Variants in TTC27 observed in about 807,000 individuals in gnomAD.
TTC27 encodes tetratricopeptide repeat domain 27.
TTC27 carries 79 observed loss-of-function variants against 115.9 expected under a neutral mutation model. The ratio of observed to expected loss-of-function variants is 0.68; its 90% CI spans 0.57 to 0.82. The LOEUF is 0.82. TTC27 is among the 40% of genes least tolerant of loss of function. The probability of loss-of-function intolerance (pLI) is 0.00; values close to 1 mark genes in which losing one functional copy is unlikely to be tolerated. For missense variants in TTC27, 1,054 were observed against 993.1 expected, an observed-to-expected ratio of 1.06 and a Z score of -0.82; for synonymous variants, 401 against 356.0, an observed-to-expected ratio of 1.13 and a Z score of -1.42.
At chr2:32,631,386 G>A (rs905377988) in intron 2 of TTC27, among the ~76,000 whole-genome samples, 1 of 152,108 alleles carries the variant, frequency 6.6e-6, no homozygotes, top group African/African-American at 2.4e-5. Context: ...TATTTATTAT[G>A]TTTTAGATTA....
intron 9 of TTC27, among the ~76,000 whole-genome samples, chr2:32,691,367 C>G (rs547229794): frequency 1.3e-5 from 2 of 150,480 alleles, no homozygotes; most frequent in African/African-American, 2.4e-5. Context: ...GGCGCAATCT[C>G]GGCTCACTGC....
intron 8 of TTC27, among the ~76,000 whole-genome samples, chr2:32,676,701 G>A (rs1279262333): frequency 6.6e-6 from 1 of 151,736 alleles, no homozygotes; most frequent in East Asian, 1.9e-4. Context: ...ATCTTGGCCA[G>A]GCTGGTCTTG....
Position 32,785,714 on chromosome 2 carries a change from G to A in TTC27, c.1833-1270G>A, listed in dbSNP as rs564674192. 3.9e-4 allele frequency among the ~76,000 whole-genome samples: 60 copies of A among 152,302 alleles called. 1 individual carries two copies. The South Asian group carries it at 8.3e-3, about 21-fold the overall frequency. Reference sequence around the variant, plus strand: ...GGGTTCAAGCGACTCTCCTGCCTCAGCCTCCCAAGTAGCTGGGACTACAGG... The same window carrying A: ...GGGTTCAAGCGACTCTCCTGCCTCAACCTCCCAAGTAGCTGGGACTACAGG... On this transcript the variant is annotated intron_variant, in intron 15 of 19. Coordinates refer to ENST00000317907, the MANE Select transcript of TTC27 (RefSeq NM_017735.5).
chr2:32,676,288 G>C (rs1342204382), intron 8 of TTC27, among the ~76,000 whole-genome samples: 1 of 151,680 alleles, frequency 6.6e-6, no homozygotes, highest in African/African-American at 2.4e-5. Context: ...ATTCATGTGT[G>C]TTTGTCTTGT....
intron 13 of TTC27, among the ~76,000 whole-genome samples, chr2:32,777,331 C>G (rs890486470): frequency 1.3e-5 from 2 of 152,218 alleles, no homozygotes; most frequent in Non-Finnish European, 2.9e-5. Flanking sequence ...CGTCACCGCC[C>G]CCAACCCCAA....
In TTC27 at chr2:32,633,727, G is replaced by GA. The variant is rs200599649; in HGVS notation, c.267-146dup. ...CTAACCTAAATTGTTTTAAGTTTTA[G>GA]AAATTTTTTTTTTTGGTAATACTCT... On this transcript the variant is annotated intron_variant, in intron 2 of 19. Transcript: ENST00000317907. 9 of 935,464 alleles carry GA rather than the reference G, an allele frequency of 9.6e-6. No individual in the cohort carries two copies. The African/African-American group carries it at 1.0e-4, about 11-fold the overall frequency. The allele number at this position is 935,464 out of a possible 1,614,324, so 57.9% of individuals were successfully genotyped here.
intron 3 of TTC27, among the ~76,000 whole-genome samples, chr2:32,635,949 G>A (rs1664407971): frequency 6.6e-6 from 1 of 152,102 alleles, no homozygotes; most frequent in Non-Finnish European, 1.5e-5. Flanking sequence ...TCTATGAAGG[G>A]AATTTATAAT....
intron 12 of TTC27, among the ~76,000 whole-genome samples, chr2:32,742,020 A>G (rs905252192): frequency 6.6e-6 from 1 of 152,250 alleles, no homozygotes; most frequent in Non-Finnish European, 1.5e-5. Flanking sequence ...ATGTAATGCT[A>G]TCTTTTGAGG....
At chr2:32,706,866 T>G (rs902670078) in intron 10 of TTC27, among the ~76,000 whole-genome samples, 1 of 152,212 alleles carries the variant, frequency 6.6e-6, no homozygotes, top group Non-Finnish European at 1.5e-5. Flanking sequence ...CCTGGCCCCC[T>G]TCTTTATTTT....
intron 10 of TTC27, among the ~76,000 whole-genome samples, chr2:32,714,973 A>G (rs1667706382): frequency 6.6e-6 from 1 of 151,974 alleles, no homozygotes. Flanking sequence ...TAGATTATGG[A>G]TATCAGACCT....
chr2:32,633,809 A>T, intron 2 of TTC27, 67 bp from the exon 3 acceptor site: 1 of 1,493,578 alleles, frequency 6.7e-7, no homozygotes, highest in South Asian at 1.2e-5. Context: ...CTGAAATGGA[A>T]TAGTGTGTTT....
At chr2:32,809,005 AC>A (rs1360606885) in intron 16 of TTC27, among the ~76,000 whole-genome samples, 2 of 152,228 alleles carry the variant, frequency 1.3e-5, no homozygotes, top group African/African-American at 4.8e-5. Context: ...TCAAAGGTAC[AC>A]ATGTGGGATT....
At chr2:32,672,551 T>A in intron 8 of TTC27, among the ~76,000 whole-genome samples, 167 bp downstream of exon 8, 1 of 152,232 alleles carries the variant, frequency 6.6e-6, no homozygotes, top group Non-Finnish European at 1.5e-5. Context: ...AAGGGTTAGA[T>A]ATTACAAATC....
At chr2:32,797,480 A>C (rs902592169) in intron 16 of TTC27, among the ~76,000 whole-genome samples, 1 of 152,142 alleles carries the variant, frequency 6.6e-6, no homozygotes, top group African/African-American at 2.4e-5. Flanking sequence ...GCCTGACTCA[A>C]ATGATTTTTG....
At chr2:32,784,455 C>T (rs909739073) in intron 15 of TTC27, among the ~76,000 whole-genome samples, 4 of 152,324 alleles carry the variant, frequency 2.6e-5, no homozygotes, top group South Asian at 2.1e-4. Flanking sequence ...TGCCTTAAAA[C>T]GGCCCATTAA....
intron 1 of TTC27, among the ~76,000 whole-genome samples, chr2:32,628,930 T>C (rs1420784267): frequency 2.0e-5 from 3 of 150,580 alleles, no homozygotes; most frequent in African/African-American, 7.3e-5. Context: ...CCGGCTAATT[T>C]TGTATTTTTA....
intron 9 of TTC27, among the ~76,000 whole-genome samples, chr2:32,679,266 C>T (rs1424414131): frequency 6.6e-6 from 1 of 152,210 alleles, no homozygotes; most frequent in African/African-American, 2.4e-5. Flanking sequence ...GAAGAGACCA[C>T]TGGATTGGAC....
chr2:32,696,457 T>A (rs1268761144), intron 9 of TTC27, among the ~76,000 whole-genome samples: 2 of 151,364 alleles, frequency 1.3e-5, no homozygotes, highest in Admixed American at 6.6e-5. Context: ...GCCCAGCTAA[T>A]TTTTTTGTGT....
chr2:32,705,006 T>A (rs1309394681), intron 10 of TTC27: 4 of 454,612 alleles, frequency 8.8e-6, no homozygotes, highest in Non-Finnish European at 1.8e-5. Flanking sequence ...GTGATATGGT[T>A]TGAGTATTTG....
Sources: allele counts gnomAD v4.1 joint callset (sites outside exome capture counted in the v4.1 genomes callset), GRCh38; gene constraint gnomAD v4.1.1; transcripts MANE v1.5; gene names NCBI Gene and HGNC (gene_info 2026-07-23, HGNC 2026-07-21).